GNG2: variants seen among roughly 807,000 people sequenced by gnomAD.
GNG2 encodes the protein guanine nucleotide-binding protein G(I)/G(S)/G(O) subunit gamma-2.
Under a neutral mutation model 5.5 loss-of-function variants are expected in GNG2, and 5 were observed. The ratio of observed to expected loss-of-function variants is 0.91; its 90% CI spans 0.48 to 1.92. GNG2 has a LOEUF of 1.92. GNG2 is among the 30% of genes most tolerant of loss of function. The pLI, the probability that GNG2 is intolerant of heterozygous loss-of-function variation, is 0.01. For missense variants in GNG2, 55 were observed against 88.4 expected, an observed-to-expected ratio of 0.62 and a Z score of 1.52; for synonymous variants, 28 against 32.0, an observed-to-expected ratio of 0.88 and a Z score of 0.42.
At chr14:51,832,809 A>T (rs978781401) in intron 2 of GNG2, among the ~76,000 whole-genome samples, 1 of 152,228 alleles carries the variant, frequency 6.6e-6, no homozygotes, top group Admixed American at 6.5e-5. Flanking sequence ...TTCCATCTCC[A>T]GTTACCATCA....
At chr14:51,962,387 G>A (rs1411420272) in intron 3 of GNG2, among the ~76,000 whole-genome samples, 2 of 152,088 alleles carry the variant, frequency 1.3e-5, no homozygotes, top group Non-Finnish European at 2.9e-5. Flanking sequence ...TCTATCAGTG[G>A]CCAAGTCACA....
chr14:51,898,582 C>A (rs1885352400), intron 2 of GNG2, among the ~76,000 whole-genome samples: 1 of 152,168 alleles, frequency 6.6e-6, no homozygotes, highest in Admixed American at 6.5e-5. Context: ...CCCAATGGAA[C>A]AAACAAACAG....
chr14:51,905,037 T>G (rs1457141653), intron 2 of GNG2, among the ~76,000 whole-genome samples: 1 of 152,216 alleles, frequency 6.6e-6, no homozygotes, highest in African/African-American at 2.4e-5. Context: ...TATTGAATAT[T>G]TTTTAGTGTC....
intron 2 of GNG2, among the ~76,000 whole-genome samples, chr14:51,910,904 T>C (rs1025954290): frequency 5.3e-5 from 8 of 152,248 alleles, no homozygotes; most frequent in Non-Finnish European, 8.8e-5. Context: ...ATAATATGGG[T>C]CACCTGTCTA....
At chr14:51,831,509 G>C (rs1011830839) in intron 2 of GNG2, among the ~76,000 whole-genome samples, 1 of 152,138 alleles carries the variant, frequency 6.6e-6, no homozygotes, top group Non-Finnish European at 1.5e-5. Context: ...CTAGACTGTC[G>C]GTATCAGAAA....
chr14:51,892,982 G>A (rs1884957086), intron 2 of GNG2, among the ~76,000 whole-genome samples: 1 of 152,166 alleles, frequency 6.6e-6, no homozygotes, highest in Admixed American at 6.5e-5. Context: ...GCTTGTAGTT[G>A]TGGATCTAAC....
intron 1 of GNG2, among the ~76,000 whole-genome samples, chr14:51,864,688 G>T (rs1216228444): frequency 6.6e-6 from 1 of 152,146 alleles, no homozygotes; most frequent in East Asian, 1.9e-4. Context: ...CACTACGGAG[G>T]CACTGGAGAG....
chr14:51,943,837 A>G (rs969696298), intron 2 of GNG2, among the ~76,000 whole-genome samples: 4 of 152,244 alleles, frequency 2.6e-5, no homozygotes, highest in Non-Finnish European at 5.9e-5. Flanking sequence ...ATGGATTAGA[A>G]GACAATAGTG....
chr14:51,860,402 C>G (rs1236873793), upstream of GNG2: 1 of 152,864 alleles, frequency 6.5e-6, no homozygotes, highest in South Asian at 2.1e-4. Context: ...CAGACAGCAC[C>G]AGAGGGACTT....
chr14:51,942,188 G>A (rs1162548554), intron 2 of GNG2, among the ~76,000 whole-genome samples: 3 of 152,212 alleles, frequency 2.0e-5, no homozygotes, highest in African/African-American at 7.2e-5. Flanking sequence ...GGGATTATAA[G>A]ACATAAGAAT....
intron 2 of GNG2, chr14:51,940,128 T>C (rs971418964): frequency 6.6e-5 from 10 of 152,350 alleles, no homozygotes; most frequent in African/African-American, 2.4e-4. Flanking sequence ...ACAAAGCTTT[T>C]GGCCTGTAAA....
At chr14:51,921,075 C>G (rs920089509) in intron 2 of GNG2, among the ~76,000 whole-genome samples, 1 of 152,132 alleles carries the variant, frequency 6.6e-6, no homozygotes. Context: ...CTCTGAGGTC[C>G]TTTCATATTC....
At chr14:51,956,797 G>A (rs1259034305) in intron 3 of GNG2, among the ~76,000 whole-genome samples, 1 of 152,110 alleles carries the variant, frequency 6.6e-6, no homozygotes, top group African/African-American at 2.4e-5. Context: ...TTGCAACATC[G>A]ATTTTAAGAT....
intron 2 of GNG2, among the ~76,000 whole-genome samples, chr14:51,902,136 T>C (rs1257201112): frequency 6.6e-6 from 1 of 152,156 alleles, no homozygotes; most frequent in Non-Finnish European, 1.5e-5. Flanking sequence ...TTATCACATA[T>C]TGATATTTTA....
intron 2 of GNG2, among the ~76,000 whole-genome samples, chr14:51,924,280 A>G (rs1887187487): frequency 6.6e-6 from 1 of 152,188 alleles, no homozygotes; most frequent in Non-Finnish European, 1.5e-5. Context: ...TCAAAATGGC[A>G]TACTATACAT....
intron 3 of GNG2, among the ~76,000 whole-genome samples, chr14:51,951,201 T>C (rs1438076931): frequency 1.3e-5 from 2 of 152,230 alleles, no homozygotes; most frequent in African/African-American, 4.8e-5. Flanking sequence ...TATAAGTTTT[T>C]TCTTCTTTAT....
chr14:51,844,508 C>T (rs973330298), intron 2 of GNG2, among the ~76,000 whole-genome samples: 1 of 152,068 alleles, frequency 6.6e-6, no homozygotes, highest in African/African-American at 2.4e-5. Context: ...CTGTTGTTGA[C>T]AGCCCTGTGT....
At chr14:51,870,316 G>A (rs967726307) in intron 1 of GNG2, among the ~76,000 whole-genome samples, 10 of 151,670 alleles carry the variant, frequency 6.6e-5, no homozygotes, top group Non-Finnish European at 7.4e-5. Flanking sequence ...GAATCCTGGC[G>A]AAAAACACAG....
At chr14:51,952,524 G>A (rs1267636415) in intron 3 of GNG2, among the ~76,000 whole-genome samples, 1 of 152,104 alleles carries the variant, frequency 6.6e-6, no homozygotes, top group Non-Finnish European at 1.5e-5. Context: ...TCTGCCCATG[G>A]GCCTTCTGGA....
Sources: allele counts gnomAD v4.1 joint callset (sites outside exome capture counted in the v4.1 genomes callset), GRCh38; gene constraint gnomAD v4.1.1; transcripts MANE v1.5; gene names NCBI Gene and HGNC (gene_info 2026-07-23, HGNC 2026-07-21).